Variants in PLCB4 observed in about 807,000 individuals in gnomAD.
PLCB4 encodes the protein phospholipase C beta 4, also known as 1-phosphatidylinositol 4,5-bisphosphate phosphodiesterase beta-4.
In PLCB4, 77 loss-of-function variants were observed where a neutral mutation model predicts 178.8. The ratio of observed to expected loss-of-function variants is 0.43; its 90% CI spans 0.36 to 0.52. The LOEUF (loss-of-function observed/expected upper bound fraction) is 0.52. Among genes scored for constraint, PLCB4 ranks in the 20% least tolerant of loss-of-function variants. The pLI, the probability that PLCB4 is intolerant of heterozygous loss-of-function variation, is 0.00. For missense variants in PLCB4, 1,024 were observed against 1,453.4 expected (o/e 0.70, Z 4.80); for synonymous variants, 496 against 490.8 (o/e 1.01, Z -0.14).
chr20:9,366,820 A>T (rs1386063376), intron 9 of PLCB4, among the ~76,000 whole-genome samples: 1 of 152,228 alleles, frequency 6.6e-6, no homozygotes, highest in Non-Finnish European at 1.5e-5. Context: ...AGGGTTCTCC[A>T]GACTCAGGTT....
intron 7 of PLCB4, among the ~76,000 whole-genome samples, chr20:9,350,659 A>G (rs1033235974): frequency 1.3e-5 from 2 of 152,082 alleles, no homozygotes; most frequent in African/African-American, 4.8e-5. Flanking sequence ...CCCGGGTTCA[A>G]GTTATTCTTG....
chr20:9,369,863 C>T (rs1373734637), intron 9 of PLCB4, among the ~76,000 whole-genome samples: 1 of 152,200 alleles, frequency 6.6e-6, no homozygotes, highest in Non-Finnish European at 1.5e-5. Flanking sequence ...TGTTAAAAAT[C>T]CTTCTGTGCT....
intron 12 of PLCB4, 69 bp downstream of exon 12, chr20:9,373,173 T>C (rs1332996172): frequency 2.8e-6 from 2 of 719,450 alleles, no homozygotes; most frequent in Non-Finnish European, 5.0e-6. Context: ...GTGTCCTCAT[T>C]GCATGCCTGC....
intron 2 of PLCB4, among the ~76,000 whole-genome samples, chr20:9,203,154 C>T (rs2147198258): frequency 6.6e-6 from 1 of 150,428 alleles, no homozygotes; most frequent in South Asian, 2.1e-4. Context: ...TTCTTGTAAG[C>T]TGTACTTACT....
intron 25 of PLCB4, among the ~76,000 whole-genome samples, chr20:9,413,564 C>T (rs2040018999): frequency 6.7e-6 from 1 of 149,924 alleles, no homozygotes; most frequent in Non-Finnish European, 1.5e-5. Flanking sequence ...GAGGCTGAGG[C>T]AGGAGAATGT....
chr20:9,152,411 G>A (rs62194761), intron 2 of PLCB4, among the ~76,000 whole-genome samples: 3,890 of 152,252 alleles, frequency 0.026, 70 homozygotes, highest in Middle Eastern at 0.041. Context: ...ACAGCCTAGG[G>A]ACATAGTGCC....
chr20:9,444,956 A>T (rs2042326340), intron 32 of PLCB4, among the ~76,000 whole-genome samples: 1 of 152,156 alleles, frequency 6.6e-6, no homozygotes, highest in African/African-American at 2.4e-5. Context: ...AACACTTGTC[A>T]CTTTTTCTCC....
intron 1 of PLCB4, among the ~76,000 whole-genome samples, chr20:9,076,427 A>G (rs2089869532): frequency 6.6e-6 from 1 of 152,194 alleles, no homozygotes; most frequent in African/African-American, 2.4e-5. Context: ...AGATCACATA[A>G]CTGCACTTCA....
intron 36 of PLCB4, among the ~76,000 whole-genome samples, chr20:9,472,375 C>CTT (rs2044251811): frequency 1.3e-5 from 2 of 152,268 alleles, no homozygotes; most frequent in East Asian, 3.9e-4. Flanking sequence ...TTGAGAAGCT[C>CTT]TTATATTACA....
chr20:9,201,286 G>A (rs1440168407), intron 2 of PLCB4, among the ~76,000 whole-genome samples: 2 of 152,082 alleles, frequency 1.3e-5, no homozygotes, highest in African/African-American at 2.4e-5. Context: ...ATAATAAAAT[G>A]TACCTGTGTG....
chr20:9,255,139 C>T (rs987323692), intron 3 of PLCB4, among the ~76,000 whole-genome samples: 9 of 152,272 alleles, frequency 5.9e-5, no homozygotes, highest in Non-Finnish European at 1.2e-4. Flanking sequence ...GTACCTTGCC[C>T]TGTTAATGGT....
At chr20:9,432,184 T>G (rs141636803) in intron 28 of PLCB4, among the ~76,000 whole-genome samples, 1 of 152,344 alleles carries the variant, frequency 6.6e-6, no homozygotes, top group East Asian at 1.9e-4. Flanking sequence ...ATGGAAAATA[T>G]GTATTCATGT....
chr20:9,123,420 C>T (rs1328909910), intron 2 of PLCB4, among the ~76,000 whole-genome samples: 4 of 144,368 alleles, frequency 2.8e-5, no homozygotes, highest in Non-Finnish European at 3.0e-5. Context: ...GAAATCTCCT[C>T]TTTTTTTTTT....
At chr20:9,088,075 A>G (rs893393903) in intron 1 of PLCB4, among the ~76,000 whole-genome samples, 9 of 152,188 alleles carry the variant, frequency 5.9e-5, no homozygotes, top group Admixed American at 4.6e-4. Flanking sequence ...TCTGATGCAC[A>G]AGCCATGGTT....
intron 2 of PLCB4, among the ~76,000 whole-genome samples, chr20:9,143,097 A>G (rs2092527344): frequency 6.6e-6 from 1 of 152,066 alleles, no homozygotes; most frequent in South Asian, 2.1e-4. Flanking sequence ...ATCTTTGCCA[A>G]TTGGGGCCTT....
Position 9,390,554 on chromosome 20 carries a change from C to A in PLCB4, c.1262C>A (p.Ser421Tyr). 1 of 1,584,610 alleles carries A rather than the reference C, an allele frequency of 6.3e-7. No homozygotes were observed. The highest frequency in any genetic ancestry group is 8.7e-7 in the Non-Finnish European group (1 of 1,153,238). ...HCSKYQQYKM[S>Y]KYCEDLFGDL... ...AGCAAATATCAACAGTACAAGATGT[C>A]CAAATATTGCGAAGATCTATTTGGG... The change falls in exon 17 of 40, where the codon TCC (serine) becomes TAC (tyrosine). Residue 421 changes from serine to tyrosine, a missense_variant. By Grantham distance (144) the Ser-to-Tyr change is moderately radical (BLOSUM62 -2). Around this residue, in one of 7 missense-constraint regions of PLCB4, gnomAD observed 263 missense variants for 417.4 expected, o/e 0.63. Transcript: ENST00000378473.
intron 34 of PLCB4, among the ~76,000 whole-genome samples, chr20:9,459,153 G>A (rs962575704): frequency 6.6e-6 from 1 of 152,164 alleles, no homozygotes; most frequent in Non-Finnish European, 1.5e-5. Context: ...AGACCAGCCT[G>A]GCCAACATGG....
At chr20:9,436,638 G>A (rs2041789683) in intron 29 of PLCB4, among the ~76,000 whole-genome samples, 1 of 152,170 alleles carries the variant, frequency 6.6e-6, no homozygotes, top group African/African-American at 2.4e-5. Flanking sequence ...ACTGGCGTGA[G>A]CCACCATGCC....
At chr20:9,350,139 G>A (rs1244137431) in intron 7 of PLCB4, among the ~76,000 whole-genome samples, 1 of 151,622 alleles carries the variant, frequency 6.6e-6, no homozygotes, top group Non-Finnish European at 1.5e-5. Context: ...TTGAAGCGAT[G>A]TTTAAAAAAT....
Sources: allele counts gnomAD v4.1 joint callset (sites outside exome capture counted in the v4.1 genomes callset), GRCh38; gene constraint gnomAD v4.1.1; regional missense constraint gnomAD v4.1.1; transcripts MANE v1.5; gene names NCBI Gene and HGNC (gene_info 2026-07-23, HGNC 2026-07-21).